Variants in DOK6 observed in about 807,000 individuals in gnomAD.
The protein encoded by DOK6 is downstream of tyrosine kinase 6.
In DOK6, 22 loss-of-function variants were observed where a neutral mutation model predicts 44.0. That is an observed-to-expected ratio of 0.50 (90% CI 0.36 to 0.71). DOK6 has a LOEUF of 0.71. Ranked by LOEUF, DOK6 falls within the 30% of genes least tolerant of loss-of-function variation. DOK6 has a pLI of 0.00. For synonymous variants in DOK6, 166 were observed against 145.5 expected, an observed-to-expected ratio of 1.14 and a Z score of -1.01; for missense variants, 340 against 416.4, an observed-to-expected ratio of 0.82 and a Z score of 1.60.
At chr18:69,658,480 G>A (rs1261802562) in intron 3 of DOK6, among the ~76,000 whole-genome samples, 1 of 152,158 alleles carries the variant, frequency 6.6e-6, no homozygotes, top group Non-Finnish European at 1.5e-5. Context: ...TATTTAGTAT[G>A]TTGACAATAA....
chr18:69,423,301 C>CAAAA (rs112913468), intron 1 of DOK6, among the ~76,000 whole-genome samples: 11 of 151,388 alleles, frequency 7.3e-5, no homozygotes, highest in Non-Finnish European at 1.3e-4. Context: ...GATCCTGTCT[C>CAAAA]AACAAACAAA....
chr18:69,716,690 G>C (rs1411838429), intron 5 of DOK6, among the ~76,000 whole-genome samples: 1 of 26,082 alleles, frequency 3.8e-5, no homozygotes, highest in Non-Finnish European at 7.3e-5. Flanking sequence ...CTGCAGAATT[G>C]ACAAAAAAAA....
intron 3 of DOK6, among the ~76,000 whole-genome samples, chr18:69,610,909 C>G (rs145171331): frequency 2.6e-5 from 4 of 151,770 alleles, no homozygotes; most frequent in Non-Finnish European, 2.9e-5. Flanking sequence ...CAATCCCCTA[C>G]GTATGGATAT....
At chr18:69,655,033 G>A (rs1002263636) in intron 3 of DOK6, among the ~76,000 whole-genome samples, 3 of 152,122 alleles carry the variant, frequency 2.0e-5, no homozygotes, top group Non-Finnish European at 2.9e-5. Flanking sequence ...ACCCCAGCCT[G>A]GACAACAGAG....
chr18:69,655,761 C>CAAAAAAAAAA (rs74175379), intron 3 of DOK6, among the ~76,000 whole-genome samples: 14 of 43,150 alleles, frequency 3.2e-4, no homozygotes, highest in African/African-American at 5.3e-4. Context: ...CCCCACCCCT[C>CAAAAAAAAAA]AAAAAAAAAA....
intron 4 of DOK6, among the ~76,000 whole-genome samples, chr18:69,693,312 GAAAAA>G: frequency 7.9e-6 from 1 of 126,152 alleles, no homozygotes; most frequent in Admixed American, 7.9e-5. Context: ...CTTCTTTGAA[GAAAAA>G]AAAAAAAAAA....
Position 69,686,125 on chromosome 18 carries a change from A to G in DOK6, c.409+8272A>G, listed in dbSNP as rs143050593. ...GGCAGAGACAGAGGGAAAACCATAT[A>G]AAGATATAGGAAGAAAATGGCCCAG... On this transcript the variant is annotated intron_variant, in intron 4 of 7. Coordinates refer to ENST00000382713, the MANE Select transcript of DOK6 (RefSeq NM_152721.6). Among the ~76,000 whole-genome samples, 681 of 152,174 alleles carry G rather than the reference A, an allele frequency of 4.5e-3. 6 individuals carry two copies. Among genetic ancestry groups the G allele is most frequent in the African/African-American group, 0.016 (653 of 41,512 alleles).
At chr18:69,759,413 GAAAA>G (rs537838607) in intron 7 of DOK6, among the ~76,000 whole-genome samples, 1 of 151,956 alleles carries the variant, frequency 6.6e-6, no homozygotes, top group East Asian at 1.9e-4. Flanking sequence ...ATGTTTAAAT[GAAAA>G]AAACTATCAG....
intron 7 of DOK6, among the ~76,000 whole-genome samples, chr18:69,820,678 A>G (rs999877079): frequency 1.3e-5 from 2 of 152,184 alleles, no homozygotes; most frequent in Non-Finnish European, 2.9e-5. Context: ...ATACCAAAAT[A>G]ACATACTCTA....
At chr18:69,710,083 G>A (rs1451097446) in intron 5 of DOK6, among the ~76,000 whole-genome samples, 1 of 152,184 alleles carries the variant, frequency 6.6e-6, no homozygotes, top group African/African-American at 2.4e-5. Flanking sequence ...GGAGGCTGAG[G>A]TGAGAGAATC....
At chr18:69,801,916 T>TTAGCTAA (rs1166856465) in intron 7 of DOK6, among the ~76,000 whole-genome samples, 3 of 152,208 alleles carry the variant, frequency 2.0e-5, no homozygotes, top group Non-Finnish European at 2.9e-5. Context: ...TTAGCTATTG[T>TTAGCTAA]CAATACATAT....
intron 7 of DOK6, among the ~76,000 whole-genome samples, chr18:69,834,103 C>T (rs538279928): frequency 1.3e-5 from 2 of 152,252 alleles, no homozygotes; most frequent in South Asian, 2.1e-4. Context: ...GCATCATTTA[C>T]AATAGCCAAG....
chr18:69,488,337 C>A (rs56194870), intron 1 of DOK6, among the ~76,000 whole-genome samples: 1 of 151,892 alleles, frequency 6.6e-6, no homozygotes, highest in African/African-American at 2.4e-5. Flanking sequence ...GGGACACAAA[C>A]GTTCAGTCTT....
At chr18:69,783,593 A>G (rs952014068) in intron 7 of DOK6, among the ~76,000 whole-genome samples, 4 of 152,174 alleles carry the variant, frequency 2.6e-5, no homozygotes, top group African/African-American at 9.7e-5. Flanking sequence ...TGAGTTCCAC[A>G]TGACCTCTGG....
chr18:69,615,501 A>C (rs1170587824), intron 3 of DOK6, among the ~76,000 whole-genome samples: 1 of 152,268 alleles, frequency 6.6e-6, no homozygotes, highest in Non-Finnish European at 1.5e-5. Context: ...GAGATGTGGA[A>C]GAAATCATTA....
At chr18:69,578,620 G>T (rs1983292651) in intron 2 of DOK6, among the ~76,000 whole-genome samples, 1 of 152,096 alleles carries the variant, frequency 6.6e-6, no homozygotes, top group Admixed American at 6.5e-5. Flanking sequence ...TTATTTCAGA[G>T]TATCATCAGT....
intron 6 of DOK6, among the ~76,000 whole-genome samples, chr18:69,743,356 T>A (rs1021201607): frequency 1.3e-5 from 2 of 152,132 alleles, no homozygotes; most frequent in Non-Finnish European, 2.9e-5. Context: ...CTGTAGATGG[T>A]TTGACATGCA....
rs188330419 is a variant in DOK6 at position 69,606,259 on chromosome 18, C to T, written c.289+6761C>T. On this transcript the variant is annotated intron_variant, in intron 3 of 7. Transcript: ENST00000382713. ...TGCACTCCAGCCTGGGCAACAAGAG[C>T]GAAACTCCATCTCAAAATAAATAAA... Among the ~76,000 whole-genome samples, 257 of 146,748 alleles carry T rather than the reference C, an allele frequency of 1.8e-3. 6 individuals are homozygous for T. The East Asian group carries it at 0.04, about 23-fold the overall frequency.
At chr18:69,641,222 A>G (rs1599236451) in intron 3 of DOK6, among the ~76,000 whole-genome samples, 1 of 151,526 alleles carries the variant, frequency 6.6e-6, no homozygotes, top group African/African-American at 2.4e-5. Flanking sequence ...TCAAAAAAAA[A>G]GAAAAAAAAA....
Sources: gnomAD v4.1 joint callset for allele counts (sites outside exome capture counted in the v4.1 genomes callset) on GRCh38, gnomAD v4.1.1 for gene constraint, MANE v1.5 for transcripts, NCBI Gene and HGNC (gene_info 2026-07-23, HGNC 2026-07-21) for gene names.